Variants in SMOX observed in about 807,000 individuals in gnomAD.
SMOX encodes spermine oxidase.
In SMOX, 22 loss-of-function variants were observed where a neutral mutation model predicts 51.0. The observed-to-expected ratio is 0.43, with a 90% CI of 0.31 to 0.62. The LOEUF (loss-of-function observed/expected upper bound fraction) is 0.62. SMOX is among the 20% of genes least tolerant of loss of function. SMOX has a pLI of 0.10. For missense variants in SMOX, 566 were observed against 777.7 expected, an observed-to-expected ratio of 0.73 and a Z score of 3.24; for synonymous variants, 282 against 307.8, an observed-to-expected ratio of 0.92 and a Z score of 0.88.
chr20:4,179,155 C>G (rs1979130763), intron 3 of SMOX, among the ~76,000 whole-genome samples: 1 of 152,162 alleles, frequency 6.6e-6, no homozygotes, highest in African/African-American at 2.4e-5. Context: ...GTTAATGGGT[C>G]AAATAAGAAC....
rs1568750987 is a variant in SMOX, at chr20:4,187,288, T to G, written c.1549T>G (p.Ser517Ala). 1.9e-6 allele frequency: 3 copies of G among 1,614,136 alleles called. No individual in the cohort carries two copies. Among genetic ancestry groups the G allele is most frequent in the Non-Finnish European group, 2.5e-6 (3 of 1,180,014 alleles). Residue 517 changes from serine (S) to alanine (A), a missense_variant, in exon 7 of 7, where the codon TCC becomes GCC. Around this residue, in one of 3 missense-constraint regions of SMOX, gnomAD observed 347 missense variants for 481.8 expected, o/e 0.72. Coordinates refer to ENST00000305958, the MANE Select transcript of SMOX (RefSeq NM_175839.3). This position sits in a 1 kb window ranked among gnomAD's most constrained non-coding sequence, Gnocchi z 4.8. ...SKTAPMQVLF[S>A]GEATHRKYYS... is the part of the protein sequence containing the mutation. The stretch of plus-strand genomic sequence containing the variant: ...CCCGCAGCCCATGCAGGTGCTGTTT[T>G]CCGGTGAGGCCACCCACCGCAAGTA...
At position 4,187,142 on chromosome 20, in the gene SMOX, C is replaced by T. The variant is rs527504058; in HGVS notation, c.1531-128C>T. On this transcript the variant is annotated intron_variant, in intron 6 of 6. Coordinates refer to ENST00000305958, the MANE Select transcript of SMOX (RefSeq NM_175839.3). This position sits in a 1 kb window ranked among gnomAD's most constrained non-coding sequence, Gnocchi z 4.8. ...GCAGCTCTTCATCCTGTGGAAGCAG[C>T]AGCACCTGCGTCTCAGAGCCTCTCT... 6.3e-5 allele frequency: 76 copies of T among 1,212,322 alleles called. No individual in the cohort carries two copies. Among genetic ancestry groups the T allele is most frequent in the Admixed American group, 8.1e-5 (3 of 36,824 alleles). 75.1% of individuals were successfully genotyped at this position (1,212,322 alleles called of 1,614,324 possible).
At position 4,177,452 on chromosome 20, in the gene SMOX, G is replaced by A. The variant is rs1015596749; in HGVS notation, c.310G>A (p.Asp104Asn). 11 of 1,570,748 alleles carry A rather than the reference G, an allele frequency of 7.0e-6. No individual in the cohort carries two copies. The highest frequency in any genetic ancestry group is 4.6e-5 in the East Asian group (2 of 43,062). ...CAACGGCCTCCTGGAAGAGACAACC[G>A]ATGGGGAACGCAGCGTGGGCCGCAT... ...EANGLLEETTDGERSVGRISL... is the reference protein window; with the variant it reads ...EANGLLEETTNGERSVGRISL... Residue 104 changes from aspartate (D) to asparagine (N), a missense_variant, in exon 3 of 7, where the codon GAT becomes AAT. Around this residue, in one of 3 missense-constraint regions of SMOX, gnomAD observed 217 missense variants for 278.4 expected, o/e 0.78. Coordinates refer to ENST00000305958, the MANE Select transcript of SMOX (RefSeq NM_175839.3). The surrounding 1 kb of genome is among the most constrained non-coding windows in gnomAD (Gnocchi z 4.3).
intron 1 of SMOX, among the ~76,000 whole-genome samples, chr20:4,159,036 A>G (rs1235062757): frequency 2.0e-5 from 3 of 152,120 alleles, no homozygotes; most frequent in South Asian, 2.1e-4. Flanking sequence ...AAAATCATAC[A>G]CAATGCAAAA....
chr20:4,163,628 G>A (rs1050996806), intron 1 of SMOX, among the ~76,000 whole-genome samples: 22 of 152,188 alleles, frequency 1.4e-4, no homozygotes, highest in African/African-American at 5.1e-4. Flanking sequence ...GTTCTGGCTC[G>A]GGGTCTCTAG....
chr20:4,155,564 G>C (rs140320875), intron 1 of SMOX, among the ~76,000 whole-genome samples: 209 of 152,150 alleles, frequency 1.4e-3, no homozygotes, highest in Middle Eastern at 6.8e-3. Flanking sequence ...TGCTGGGTGG[G>C]GCATTGCCTC....
Position 4,187,470 on chromosome 20 carries a change from G to T in SMOX, c.*63G>T. 1 of 1,580,764 alleles carries T rather than the reference G, an allele frequency of 6.3e-7. No individual in the cohort carries two copies. Among genetic ancestry groups the T allele is most frequent in the Non-Finnish European group, 8.6e-7 (1 of 1,161,248 alleles). ...GACCTCCAGCCTGCCCCTTGCTGCC[G>T]TGTGCTCCTGCCTTCCTGATCCTCT... On this transcript the variant is annotated 3_prime_UTR_variant, in exon 7 of 7. Transcript: ENST00000305958. This position sits in a 1 kb window ranked among gnomAD's most constrained non-coding sequence, Gnocchi z 4.8.
rs1351136043 is a variant in SMOX, at chr20:4,175,027, C to T, written c.-26-3C>T. On this transcript the variant is annotated splice_polypyrimidine_tract_variant and splice_region_variant and intron_variant, in intron 1 of 6. Coordinates refer to ENST00000305958, the MANE Select transcript of SMOX (RefSeq NM_175839.3). ...TAAGCTGTGACACCTCCTCCCCCTG[C>T]AGGTTCCTAGAAGGTGAGCGCGGAC... 4 of 1,611,678 alleles carry T rather than the reference C, an allele frequency of 2.5e-6. No individual in the cohort carries two copies. The highest frequency in any genetic ancestry group is 1.7e-5 in the Admixed American group (1 of 59,990).
chr20:4,184,244 C>T (rs1979572204), intron 6 of SMOX, among the ~76,000 whole-genome samples: 2 of 151,872 alleles, frequency 1.3e-5, no homozygotes, highest in South Asian at 4.2e-4. Context: ...TGTCCTCCCG[C>T]CTCAACCTCC....
At position 4,177,714 on chromosome 20, in the gene SMOX, T is replaced by C. The variant is rs1439925016; in HGVS notation, c.435+137T>C. On this transcript the variant is annotated intron_variant, in intron 3 of 6. Transcript: ENST00000305958. The surrounding 1 kb of genome is among the most constrained non-coding windows in gnomAD (Gnocchi z 4.3). ...TAATGTGAGGGTAAAATGAAAATATTCAGTGGGATAGAACTGATTTTTATA... is the reference window on the plus strand; with the variant it reads ...TAATGTGAGGGTAAAATGAAAATATCCAGTGGGATAGAACTGATTTTTATA... 1.5e-5 allele frequency: 11 copies of C among 727,586 alleles called. No homozygotes were observed. Among genetic ancestry groups the C allele is most frequent in the Non-Finnish European group, 2.5e-5 (11 of 448,214 alleles). The allele number at this position is 727,586 out of a possible 1,614,324, so 45.1% of individuals were successfully genotyped here.
At chr20:4,165,830 G>T (rs1050607206) in intron 1 of SMOX, among the ~76,000 whole-genome samples, 6 of 152,202 alleles carry the variant, frequency 3.9e-5, no homozygotes, top group African/African-American at 1.4e-4. Flanking sequence ...CATCTGGAGT[G>T]GCATAGTCCT....
chr20:4,167,256 G>A lies in SMOX; in HGVS notation c.-26-7774G>A, dbSNP rs989813081. On this transcript the variant is annotated intron_variant, in intron 1 of 6. Coordinates refer to ENST00000305958, the MANE Select transcript of SMOX (RefSeq NM_175839.3). The surrounding 1 kb of genome is among the most constrained non-coding windows in gnomAD (Gnocchi z 4.8). The stretch of plus-strand genomic sequence containing the variant: ...GGTCCAGCCTGATAGTAGGGTTGGG[G>A]CCAAGGTGAAGGCTGGGTTCTGAGC... Among the ~76,000 whole-genome samples the A allele has an allele frequency of 3.3e-5, 5 of 152,124 alleles. No individual in the cohort carries two copies. Among genetic ancestry groups the A allele is most frequent in the Admixed American group, 1.3e-4 (2 of 15,274 alleles).
rs376810510 is a variant in SMOX at position 4,149,891 on chromosome 20, G to A, written c.-27+914G>A. Among the ~76,000 whole-genome samples, 2 of 152,170 alleles carry A rather than the reference G, an allele frequency of 1.3e-5. No homozygotes were observed. The highest frequency in any genetic ancestry group is 2.1e-4 in the South Asian group (1 of 4,834). On this transcript the variant is annotated intron_variant, in intron 1 of 6. Coordinates refer to ENST00000305958, the MANE Select transcript of SMOX (RefSeq NM_175839.3). The surrounding 1 kb of genome is among the most constrained non-coding windows in gnomAD (Gnocchi z 6.0). ...TAGGTGCCCTGGGGTTACCGGGAGC[G>A]ACGCGGGCCGGGGTGCCATGCATCC...
chr20:4,175,905 T>A (rs867830466), intron 2 of SMOX: 1 of 70,184 alleles, frequency 1.4e-5, no homozygotes, highest in African/African-American at 1.1e-4. Context: ...GGGGAGGGGG[T>A]GGGGGGGGGA....
rs915068966 is a variant in SMOX, at chr20:4,187,387, C to T, written c.1648C>T (p.Leu550Phe). ...CCGCCTCATTGAGATGTACCGAGACCTCTTCCAGCAGGGGACCTGAGGGCT... is the reference window on the plus strand; with the variant it reads ...CCGCCTCATTGAGATGTACCGAGACTTCTTCCAGCAGGGGACCTGAGGGCT... ...AARLIEMYRD[L>F]FQQGT The change falls in exon 7 of 7, where the codon CTC (leucine) becomes TTC (phenylalanine). Residue 550 changes from leucine to phenylalanine, a missense_variant. Coordinates refer to ENST00000305958, the MANE Select transcript of SMOX (RefSeq NM_175839.3). The surrounding 1 kb of genome is among the most constrained non-coding windows in gnomAD (Gnocchi z 4.8). 11 of 1,614,102 alleles carry T rather than the reference C, an allele frequency of 6.8e-6. No homozygotes were observed. The highest frequency in any genetic ancestry group is 9.3e-6 in the Non-Finnish European group (11 of 1,179,978).
In SMOX at chr20:4,170,832, G is replaced by A. The variant is rs1037172361; in HGVS notation, c.-26-4198G>A. Among the ~76,000 whole-genome samples the A allele has an allele frequency of 6.6e-6, 1 of 152,148 alleles. No homozygotes were observed. Among genetic ancestry groups the A allele is most frequent in the African/African-American group, 2.4e-5 (1 of 41,420 alleles). ...GTGGCTCTGGACAGCTGGGGGAGGC[G>A]GTGGCCTGCAGGCTGGAGAACTGGC... On this transcript the variant is annotated intron_variant, in intron 1 of 6. Transcript: ENST00000305958. The surrounding 1 kb of genome is among the most constrained non-coding windows in gnomAD (Gnocchi z 4.6).
chr20:4,182,023 G>A lies in SMOX; in HGVS notation c.609+47G>A, dbSNP rs778026789. On this transcript the variant is annotated intron_variant, in intron 4 of 6. Transcript: ENST00000305958. The surrounding 1 kb of genome is among the most constrained non-coding windows in gnomAD (Gnocchi z 8.4). The stretch of plus-strand genomic sequence containing the variant: ...CTGGGGGCGTCTGGGTCTGAGGAGG[G>A]CTACGCTGCTCCTACCCCTGCCCAA... 5 of 1,604,008 alleles carry A rather than the reference G, an allele frequency of 3.1e-6. No homozygotes were observed. Among genetic ancestry groups the A allele is most frequent in the Non-Finnish European group, 4.3e-6 (5 of 1,174,492 alleles).
chr20:4,155,038 G>T (rs1985943893), intron 1 of SMOX, among the ~76,000 whole-genome samples: 1 of 152,062 alleles, frequency 6.6e-6, no homozygotes, highest in African/African-American at 2.4e-5. Flanking sequence ...ACCACGAGGG[G>T]GTATCTTGGG....
At chr20:4,159,284 G>A (rs1424926304) in intron 1 of SMOX, among the ~76,000 whole-genome samples, 1 of 152,094 alleles carries the variant, frequency 6.6e-6, no homozygotes, top group African/African-American at 2.4e-5. Flanking sequence ...GCTAATTTTG[G>A]TATTTTTAGT....
Sources: allele counts gnomAD v4.1 joint callset (sites outside exome capture counted in the v4.1 genomes callset), GRCh38; gene constraint gnomAD v4.1.1; regional missense constraint gnomAD v4.1.1; non-coding constraint Gnocchi (gnomAD v3.1); transcripts MANE v1.5; gene names NCBI Gene and HGNC (gene_info 2026-07-23, HGNC 2026-07-21).